Variants in TSGA13 observed in about 807,000 individuals in gnomAD.
The protein encoded by TSGA13 is testis-specific gene 13 protein.
A neutral mutation model predicts 35.1 loss-of-function variants in TSGA13; 37 were observed. The ratio of observed to expected loss-of-function variants is 1.05; its 90% CI spans 0.81 to 1.39. The LOEUF (loss-of-function observed/expected upper bound fraction) is 1.39, where lower values mean the gene tolerates loss of function less well. Among genes scored for constraint, TSGA13 ranks in the 40% most tolerant of loss-of-function variants. The pLI is 0.00. For missense variants in TSGA13, 338 were observed against 328.5 expected (o/e 1.03, Z -0.22); for synonymous variants, 124 against 121.2 (o/e 1.02, Z -0.15).
chr7:130,670,931 A>G (rs960144322), intron 7 of TSGA13, among the ~76,000 whole-genome samples: 5 of 152,126 alleles, frequency 3.3e-5, no homozygotes, highest in Non-Finnish European at 5.9e-5. Context: ...AAGGCCTTTT[A>G]TGATCTGTTT....
At chr7:130,682,803 G>T (rs1440899970) in intron 3 of TSGA13, among the ~76,000 whole-genome samples, 1 of 152,164 alleles carries the variant, frequency 6.6e-6, no homozygotes. Flanking sequence ...GCATAGCAAA[G>T]CCACTCCACA....
rs1554465409 is a variant in TSGA13 at position 130,683,666 on chromosome 7, T to C, written c.30A>G (p.Gln10=). 6.2e-7 allele frequency: 1 copy of C among 1,613,828 alleles called. No homozygotes were observed. Among genetic ancestry groups the C allele is most frequent in the Admixed American group, 1.7e-5 (1 of 60,004 alleles). ...TTTCTGAAGTCTTTGATTTGCCATT[T>C]TGAAACCTGAAAAAGAGGCAGAACA... MSQKRQTKF[Q]NGKSKTSENS... The change falls in exon 3 of 8, where the codon CAA becomes CAG. Residue 10 remains glutamine, a synonymous_variant. Coordinates refer to ENST00000356588, the MANE Select transcript of TSGA13 (RefSeq NM_052933.4).
In TSGA13 at chr7:130,668,881, C is replaced by G. The variant is rs1394329848; in HGVS notation, c.*133G>C. On this transcript the variant is annotated 3_prime_UTR_variant, in exon 8 of 8. Coordinates refer to ENST00000356588, the MANE Select transcript of TSGA13 (RefSeq NM_052933.4). Reference sequence around the variant, plus strand: ...TCCTCTTGCGGCCCGCCGGAGACTTCGGCTCGACCCTCCCGGCTTGCGACC... The same window carrying G: ...TCCTCTTGCGGCCCGCCGGAGACTTGGGCTCGACCCTCCCGGCTTGCGACC... 2 of 1,414,106 alleles carry G rather than the reference C, an allele frequency of 1.4e-6. No homozygotes were observed. Among genetic ancestry groups the G allele is most frequent in the Non-Finnish European group, 1.9e-6 (2 of 1,051,596 alleles). The allele number at this position is 1,414,106 out of a possible 1,614,324, so 87.6% of individuals were successfully genotyped here. A position where few individuals can be genotyped will look rare whatever the true frequency, so the allele number is the denominator to read the frequency against.
chr7:130,672,901 G>C, intron 5 of TSGA13, 25 bp from the exon 6 acceptor site: 1 of 1,608,544 alleles, frequency 6.2e-7, no homozygotes, highest in Non-Finnish European at 8.5e-7. Context: ...GGGAAGAAGA[G>C]TGAGGGAGTA....
chr7:130,682,868 CTCAA>C (rs1554465307), intron 3 of TSGA13, among the ~76,000 whole-genome samples: 1 of 152,260 alleles, frequency 6.6e-6, no homozygotes, highest in East Asian at 1.9e-4. Context: ...GATCCAAAGA[CTCAA>C]TCATTTAATT....
At chr7:130,677,138 T>A (rs1796431212) in intron 5 of TSGA13, among the ~76,000 whole-genome samples, 1 of 152,170 alleles carries the variant, frequency 6.6e-6, no homozygotes, top group African/African-American at 2.4e-5. Context: ...GTGATCCACC[T>A]GCCTTGGCCT....
At chr7:130,683,555 A>G in intron 3 of TSGA13, 39 bp downstream of exon 3, 1 of 1,592,300 alleles carries the variant, frequency 6.3e-7, no homozygotes, top group Non-Finnish European at 8.6e-7. Flanking sequence ...GCAGCTCCAA[A>G]GAAAAATTAA....
intron 5 of TSGA13, among the ~76,000 whole-genome samples, chr7:130,674,336 T>A (rs1238967296): frequency 6.6e-6 from 1 of 151,122 alleles, no homozygotes; most frequent in East Asian, 2.0e-4. Flanking sequence ...CCACGCCCAG[T>A]TAATTTTTGT....
rs1796637266 is a variant in TSGA13, at chr7:130,685,348, C to T, written c.-138G>A. On this transcript the variant is annotated 5_prime_UTR_variant, in exon 2 of 8. Transcript: ENST00000356588. ...CTTAGCACACAGTGTGTACTCATGCCCCATTCTTGAGCCTGTATGGGAAAC... is the reference window on the plus strand; with the variant it reads ...CTTAGCACACAGTGTGTACTCATGCTCCATTCTTGAGCCTGTATGGGAAAC... The T allele has an allele frequency of 1.3e-6, 2 of 1,491,404 alleles. No homozygotes were observed. The highest frequency in any genetic ancestry group is 1.4e-5 in the African/African-American group (1 of 72,784). The allele number at this position is 1,491,404 out of a possible 1,614,324, so 92.4% of individuals were successfully genotyped here.
At chr7:130,680,360 G>A (rs149291658) in intron 4 of TSGA13, among the ~76,000 whole-genome samples, 4,868 of 152,136 alleles carry the variant, frequency 0.032, 105 homozygotes, top group Non-Finnish European at 0.043. Context: ...CAAAAAATTA[G>A]CCAGGCGTAG....
intron 3 of TSGA13, among the ~76,000 whole-genome samples, 161 bp from the exon 4 acceptor site, chr7:130,681,178 T>C (rs1354325291): frequency 6.6e-6 from 1 of 152,076 alleles, no homozygotes; most frequent in Non-Finnish European, 1.5e-5. Flanking sequence ...GTACTCTAGG[T>C]TTCTGGAACA....
chr7:130,680,884 G>A (rs939380811), intron 4 of TSGA13, 62 bp downstream of exon 4: 103 of 1,438,202 alleles, frequency 7.2e-5, no homozygotes, highest in Non-Finnish European at 8.9e-5. Context: ...CTCGCAGTGG[G>A]CATCTGCACC....
chr7:130,676,308 C>T (rs1275430267), intron 5 of TSGA13, among the ~76,000 whole-genome samples: 5 of 152,154 alleles, frequency 3.3e-5, no homozygotes, highest in African/African-American at 1.2e-4. Flanking sequence ...TACCATGGTG[C>T]CAGTCTTTGA....
At chr7:130,679,514 T>G (rs1482111343) in intron 4 of TSGA13, 147 bp from the exon 5 acceptor site, 6 of 736,014 alleles carry the variant, frequency 8.2e-6, no homozygotes, top group East Asian at 2.7e-5. Context: ...TTTGGTTTTG[T>G]TTTTGTTTTT....
At chr7:130,672,145 C>T (rs1554463188) in intron 6 of TSGA13, among the ~76,000 whole-genome samples, 3 of 152,144 alleles carry the variant, frequency 2.0e-5, no homozygotes, top group Admixed American at 1.3e-4. Context: ...CCACCTTGGC[C>T]TCCTGAAGTG....
At chr7:130,673,966 G>A (rs1407100022) in intron 5 of TSGA13, among the ~76,000 whole-genome samples, 20 of 151,500 alleles carry the variant, frequency 1.3e-4, no homozygotes, top group African/African-American at 4.6e-4. Flanking sequence ...GTGGTGGCGC[G>A]TGCCTATATT....
Position 130,680,959 on chromosome 7 carries a change from A to G in TSGA13, c.161T>C (p.Val54Ala), listed in dbSNP as rs1554464989. The G allele has an allele frequency of 1.2e-6, 2 of 1,614,134 alleles. No individual in the cohort carries two copies. Among genetic ancestry groups the G allele is most frequent in the South Asian group, 2.2e-5 (2 of 91,074 alleles). The change falls in exon 4 of 8, where the codon GTC becomes GCC. Residue 54 changes from valine (V) to alanine (A), a missense_variant. Coordinates refer to ENST00000356588, the MANE Select transcript of TSGA13 (RefSeq NM_052933.4). ...TTCTCTACCTACCAAATTTGGATGG[A>G]CTGTGTAATGCCGAAGGTTCTCTAG... ...FVLENLRHYT[V>A]HPNLAQYYKP...
At chr7:130,674,153 TTTTTTTTC>T (rs1399389932) in intron 5 of TSGA13, among the ~76,000 whole-genome samples, 7 of 141,022 alleles carry the variant, frequency 5.0e-5, no homozygotes, top group African/African-American at 1.2e-4. Context: ...TCTTTTCTTC[TTTTTTTTC>T]TTTTTTTCTT....
chr7:130,683,158 G>T (rs1584642375), intron 3 of TSGA13, among the ~76,000 whole-genome samples: 1 of 152,176 alleles, frequency 6.6e-6, no homozygotes, highest in South Asian at 2.1e-4. Context: ...AAACCCACAA[G>T]ATTGTCCAAA....
Sources: gnomAD v4.1 joint callset for allele counts (sites outside exome capture counted in the v4.1 genomes callset) on GRCh38, gnomAD v4.1.1 for gene constraint, MANE v1.5 for transcripts, NCBI Gene and HGNC (gene_info 2026-07-23, HGNC 2026-07-21) for gene names.